Variants in EYA2 observed in about 807,000 individuals in gnomAD.
EYA2 encodes the protein protein phosphatase EYA2.
Under a neutral mutation model 69.2 loss-of-function variants are expected in EYA2, and 31 were observed. That is an observed-to-expected ratio of 0.45 (90% confidence interval 0.34 to 0.60). The LOEUF (loss-of-function observed/expected upper bound fraction) is 0.60. Among genes scored for constraint, EYA2 ranks in the 20% least tolerant of loss-of-function variants. The pLI is 0.02. For synonymous variants in EYA2, 257 were observed against 279.4 expected, an observed-to-expected ratio of 0.92 and a Z score of 0.80; for missense variants, 622 against 701.2, an observed-to-expected ratio of 0.89 and a Z score of 1.28.
At chr20:47,018,346 A>G (rs1983536093) in intron 5 of EYA2, among the ~76,000 whole-genome samples, 1 of 152,228 alleles carries the variant, frequency 6.6e-6, no homozygotes, top group South Asian at 2.1e-4. Flanking sequence ...CCAGCTTGAC[A>G]CCTGGCACCC....
intron 1 of EYA2, among the ~76,000 whole-genome samples, chr20:46,916,743 G>T (rs1405643389): frequency 6.6e-6 from 1 of 152,154 alleles, no homozygotes; most frequent in Non-Finnish European, 1.5e-5. Flanking sequence ...CGGGGTGCTA[G>T]GCTTTACAAA....
intron 1 of EYA2, among the ~76,000 whole-genome samples, chr20:46,972,441 T>C (rs1600595712): frequency 6.6e-6 from 1 of 152,194 alleles, no homozygotes; most frequent in Non-Finnish European, 1.5e-5. Context: ...CACAGTGTCA[T>C]GTGGTGAAAT....
intron 1 of EYA2, among the ~76,000 whole-genome samples, chr20:46,921,448 T>C (rs972294758): frequency 6.6e-6 from 1 of 152,236 alleles, no homozygotes; most frequent in African/African-American, 2.4e-5. Flanking sequence ...TTTTCTTTCT[T>C]CTCCTTTCTC....
At chr20:46,921,981 G>T (rs1323165724) in intron 1 of EYA2, among the ~76,000 whole-genome samples, 1 of 152,128 alleles carries the variant, frequency 6.6e-6, no homozygotes, top group Non-Finnish European at 1.5e-5. Flanking sequence ...AAACCCTCTT[G>T]TAAGTGTTTT....
intron 9 of EYA2, among the ~76,000 whole-genome samples, chr20:47,116,467 T>C (rs6066207): frequency 0.75 from 113,198 of 151,900 alleles, 42,358 homozygotes; most frequent in African/African-American, 0.8. Flanking sequence ...CATGAGCCAC[T>C]GCGCCCGGCC....
chr20:46,929,662 C>T (rs1985582119), intron 1 of EYA2, among the ~76,000 whole-genome samples: 1 of 151,994 alleles, frequency 6.6e-6, no homozygotes, highest in African/African-American at 2.4e-5. Context: ...GGGCCTTGTG[C>T]AGGGTCCGCT....
intron 10 of EYA2, among the ~76,000 whole-genome samples, chr20:47,144,224 C>T (rs1346326826): frequency 2.0e-5 from 3 of 151,970 alleles, no homozygotes; most frequent in Non-Finnish European, 4.4e-5. Context: ...GGCATGGTGG[C>T]GGGCACCTTT....
In EYA2 at chr20:47,070,167, G is replaced by C. The variant is rs148648069; in HGVS notation, c.416-2018G>C. Among the ~76,000 whole-genome samples the C allele has an allele frequency of 1.9e-3, 284 of 152,218 alleles. 2 individuals carry two copies. Among genetic ancestry groups the C allele is most frequent in the African/African-American group, 6.6e-3 (275 of 41,550 alleles). ...AGGACTTGTGTCCAAGATATATAAA[G>C]AACTCTTATAACAGTAATAAGAGGC... On this transcript the variant is annotated intron_variant, in intron 5 of 15. Coordinates refer to ENST00000327619, the MANE Select transcript of EYA2 (RefSeq NM_005244.5).
rs553316483 is a variant in EYA2 at position 47,007,808 on chromosome 20, G to A, written c.298+2724G>A. Among the ~76,000 whole-genome samples, 10 of 151,686 alleles carry A rather than the reference G, an allele frequency of 6.6e-5. No homozygotes were observed. The South Asian group carries it at 1.9e-3, about 29-fold the overall frequency. ...TTTTTTTTTATTTTTTTGTAGAGAC[G>A]GGGGGTGGGGGGTCTCACTTTGTTG... On this transcript the variant is annotated intron_variant, in intron 4 of 15. Coordinates refer to ENST00000327619, the MANE Select transcript of EYA2 (RefSeq NM_005244.5).
At chr20:47,055,839 G>A (rs936939863) in intron 5 of EYA2, among the ~76,000 whole-genome samples, 20 of 152,126 alleles carry the variant, frequency 1.3e-4, no homozygotes, top group Non-Finnish European at 1.5e-5. Context: ...TAGCCCCACT[G>A]TCCTGCAACT....
intron 1 of EYA2, among the ~76,000 whole-genome samples, chr20:46,984,276 G>T (rs192772794): frequency 3.0e-4 from 45 of 151,156 alleles, no homozygotes; most frequent in African/African-American, 1.1e-3. Flanking sequence ...AAAGATAATA[G>T]AAATAAAGAA....
Position 47,074,263 on chromosome 20 carries a change from CT to C in EYA2, c.590del (p.Leu197ProfsTer83). ...VPASSICPSP[L>X]STSTYVLQEA... is the part of the protein sequence containing the mutation. ...GGCCAGCAGCATCTGCCCTTCGCCC[CT>C]CTCCACGTCCACCTACGTCCTCCAG... On this transcript the variant is annotated frameshift_variant, in exon 7 of 16. Coordinates refer to ENST00000327619, the MANE Select transcript of EYA2 (RefSeq NM_005244.5). LOFTEE classifies it high-confidence loss of function. 2 of 1,614,148 alleles carry C rather than the reference CT, an allele frequency of 1.2e-6. No individual in the cohort carries two copies. The highest frequency in any genetic ancestry group is 1.7e-6 in the Non-Finnish European group (2 of 1,180,018).
intron 10 of EYA2, among the ~76,000 whole-genome samples, chr20:47,154,909 G>A (rs779546645): frequency 9.3e-5 from 14 of 150,044 alleles, no homozygotes; most frequent in Admixed American, 3.3e-4. Context: ...GCAGTGCTGC[G>A]ATCTCAGCTC....
Position 46,968,494 on chromosome 20 carries a change from AC to A in EYA2, c.-10-21504del, listed in dbSNP as rs1435728392. The stretch of plus-strand genomic sequence containing the variant: ...GTTGCGGCTGTATCTTTTAACCGTC[AC>A]CCTATACTGCCCCCTCCGTGTTTAA... On this transcript the variant is annotated intron_variant, in intron 1 of 15. Transcript: ENST00000327619. Among the ~76,000 whole-genome samples the A allele has an allele frequency of 2.6e-5, 4 of 152,028 alleles. No individual in the cohort carries two copies. The East Asian group carries it at 7.7e-4, about 29-fold the overall frequency.
At chr20:47,166,393 TAAAAAAAAAA>T (rs370944686) in intron 10 of EYA2, among the ~76,000 whole-genome samples, 174 of 34,480 alleles carry the variant, frequency 5.0e-3, no homozygotes, top group African/African-American at 0.011. Flanking sequence ...CAAGACTGTC[TAAAAAAAAAA>T]AAAAAAAAAA....
At chr20:47,135,835 A>C (rs1332210016) in intron 9 of EYA2, among the ~76,000 whole-genome samples, 2 of 83,074 alleles carry the variant, frequency 2.4e-5, no homozygotes, top group Non-Finnish European at 4.5e-5. Context: ...AAAAAAAAAA[A>C]AAAAAACAAA....
intron 1 of EYA2, among the ~76,000 whole-genome samples, chr20:46,929,731 G>A (rs1985585209): frequency 6.6e-6 from 1 of 152,072 alleles, no homozygotes; most frequent in South Asian, 2.1e-4. Flanking sequence ...CTGAGGCTGG[G>A]TGCGGTGGCT....
chr20:47,072,900 A>G (rs1324574985), intron 6 of EYA2, among the ~76,000 whole-genome samples: 1 of 152,218 alleles, frequency 6.6e-6, no homozygotes, highest in Non-Finnish European at 1.5e-5. Flanking sequence ...GGCTTTAGGA[A>G]TATTTAACAT....
intron 5 of EYA2, among the ~76,000 whole-genome samples, chr20:47,032,530 C>T (rs1474069944): frequency 1.3e-5 from 2 of 152,074 alleles, no homozygotes; most frequent in Non-Finnish European, 2.9e-5. Flanking sequence ...CAAGTAATAT[C>T]TTGGTGTGCA....
Sources: gnomAD v4.1 joint callset for allele counts (sites outside exome capture counted in the v4.1 genomes callset) on GRCh38, gnomAD v4.1.1 for gene constraint, MANE v1.5 for transcripts, NCBI Gene and HGNC (gene_info 2026-07-23, HGNC 2026-07-21) for gene names.